The following AGBL1 variants were observed in gnomAD, a reference collection of about 807,000 sequenced individuals.
AGBL1 encodes the protein AGBL carboxypeptidase 1, also known as cytosolic carboxypeptidase 4.
A neutral mutation model predicts 118.9 loss-of-function variants in AGBL1; 130 were observed. That is an observed-to-expected ratio of 1.09 (90% CI 0.95 to 1.26). The LOEUF is 1.26. Among genes scored for constraint, AGBL1 ranks in the 50% most tolerant of loss-of-function variants. The pLI is 0.00. For missense variants in AGBL1, 1,584 were observed against 1,298.1 expected (o/e 1.22, Z -3.38); for synonymous variants, 555 against 478.9 (o/e 1.16, Z -2.08).
At position 86,544,970 on chromosome 15, in the gene AGBL1, C is replaced by G. The variant is rs1263583759; in HGVS notation, c.2686-1032C>G. Among the ~76,000 whole-genome samples the G allele has an allele frequency of 2.0e-5, 3 of 152,198 alleles. No individual in the cohort carries two copies. The East Asian group carries it at 5.8e-4, about 29-fold the overall frequency. Reference sequence around the variant, plus strand: ...TAAGATTTTGCATCACTGCCCTTGTCATATGATTTGCAGAACCTCCCTTTA... The same window carrying G: ...TAAGATTTTGCATCACTGCCCTTGTGATATGATTTGCAGAACCTCCCTTTA... On this transcript the variant is annotated intron_variant, in intron 19 of 22. Coordinates refer to ENST00000614907, the MANE Select transcript of AGBL1 (RefSeq NM_001386094.1).
intron 22 of AGBL1, among the ~76,000 whole-genome samples, chr15:86,875,073 C>A (rs1363078838): frequency 1.3e-5 from 2 of 152,094 alleles, no homozygotes; most frequent in African/African-American, 2.4e-5. Context: ...CTAAAAAATA[C>A]AGAACAGAAA....
chr15:86,406,806 A>G (rs555721351), intron 18 of AGBL1, among the ~76,000 whole-genome samples: 3 of 152,216 alleles, frequency 2.0e-5, no homozygotes, highest in Non-Finnish European at 4.4e-5. Flanking sequence ...GCAAAAATAC[A>G]AATTAAATGA....
chr15:86,986,290 T>C (rs75969454), intron 23 of AGBL1, among the ~76,000 whole-genome samples: 1 of 152,230 alleles, frequency 6.6e-6, no homozygotes, highest in African/African-American at 2.4e-5. Context: ...TCTTCTATTG[T>C]CTAGGTAAAT....
At chr15:86,491,298 C>G (rs1051625734) in intron 18 of AGBL1, among the ~76,000 whole-genome samples, 1 of 151,964 alleles carries the variant, frequency 6.6e-6, no homozygotes, top group Non-Finnish European at 1.5e-5. Context: ...GTGGAAAGTC[C>G]CAAAATGTTT....
intron 22 of AGBL1, among the ~76,000 whole-genome samples, chr15:86,676,996 A>G (rs2085860496): frequency 6.6e-6 from 1 of 152,104 alleles, no homozygotes; most frequent in Non-Finnish European, 1.5e-5. Context: ...AGCCTGGGCG[A>G]CAGAGGGAGA....
chr15:86,973,490 T>A (rs2081132343), intron 23 of AGBL1, among the ~76,000 whole-genome samples: 1 of 151,892 alleles, frequency 6.6e-6, no homozygotes, highest in African/African-American at 2.4e-5. Context: ...GGGAACTAGT[T>A]CCTCCCAAGA....
At chr15:86,521,817 G>A (rs2083192901) in intron 18 of AGBL1, among the ~76,000 whole-genome samples, 1 of 152,176 alleles carries the variant, frequency 6.6e-6, no homozygotes, top group African/African-American at 2.4e-5. Context: ...CAATTCCACT[G>A]AGCTTGGGTG....
chr15:86,297,626 A>C (rs2079666569), intron 17 of AGBL1, among the ~76,000 whole-genome samples: 2 of 152,186 alleles, frequency 1.3e-5, no homozygotes, highest in South Asian at 4.1e-4. Context: ...TTATGCATGA[A>C]GAGCTTTAAG....
At chr15:86,271,043 A>AT (rs58166692) in intron 14 of AGBL1, among the ~76,000 whole-genome samples, 1,087 of 89,040 alleles carry the variant, frequency 0.012, 73 homozygotes, top group Admixed American at 0.065. Flanking sequence ...GTCACGTTGC[A>AT]TTTTTTTTTT....
At chr15:86,930,348 A>G (rs2080590573) in intron 23 of AGBL1, among the ~76,000 whole-genome samples, 1 of 152,180 alleles carries the variant, frequency 6.6e-6, no homozygotes, top group African/African-American at 2.4e-5. Context: ...TTTATTTATC[A>G]CTACTATATA....
At chr15:86,467,932 C>G (rs772504674) in intron 18 of AGBL1, among the ~76,000 whole-genome samples, 4 of 152,142 alleles carry the variant, frequency 2.6e-5, no homozygotes, top group Non-Finnish European at 5.9e-5. Flanking sequence ...ATTTGGTCAT[C>G]TTGCCCAGAA....
intron 20 of AGBL1, among the ~76,000 whole-genome samples, chr15:86,548,343 A>G (rs2083614409): frequency 6.6e-6 from 1 of 152,142 alleles, no homozygotes; most frequent in Non-Finnish European, 1.5e-5. Context: ...ACTCTGCAAC[A>G]TTTATTCAGT....
intron 21 of AGBL1, among the ~76,000 whole-genome samples, chr15:86,646,776 G>A (rs894599368): frequency 4.6e-5 from 7 of 152,124 alleles, no homozygotes; most frequent in Non-Finnish European, 7.3e-5. Context: ...ACTAAATAAC[G>A]TTGAGAAAAT....
At chr15:86,947,446 A>G (rs1056242013) in intron 23 of AGBL1, among the ~76,000 whole-genome samples, 1 of 152,196 alleles carries the variant, frequency 6.6e-6, no homozygotes, top group African/African-American at 2.4e-5. Context: ...ATGTTGTTCT[A>G]TGACTCAATC....
chr15:86,467,775 G>A (rs1008516382), intron 18 of AGBL1, among the ~76,000 whole-genome samples: 1 of 152,150 alleles, frequency 6.6e-6, no homozygotes, highest in Non-Finnish European at 1.5e-5. Context: ...CCCCAACCCT[G>A]CTTCTGCTCA....
intron 19 of AGBL1, among the ~76,000 whole-genome samples, chr15:86,532,662 A>G (rs1021134688): frequency 5.9e-5 from 9 of 151,630 alleles, no homozygotes; most frequent in African/African-American, 1.9e-4. Flanking sequence ...AGTCAATCCT[A>G]AGCCAAAAGA....
At chr15:86,170,101 G>C (rs1760337870) in intron 5 of AGBL1, among the ~76,000 whole-genome samples, 1 of 152,088 alleles carries the variant, frequency 6.6e-6, no homozygotes, top group South Asian at 2.1e-4. Flanking sequence ...TAATTATTAG[G>C]CAAGAACATT....
chr15:86,244,887 C>A (rs1168777132), intron 6 of AGBL1, among the ~76,000 whole-genome samples: 1 of 152,268 alleles, frequency 6.6e-6, no homozygotes, highest in East Asian at 1.9e-4. Flanking sequence ...GAATAGGCTG[C>A]AAACTCCTTC....
chr15:86,819,347 G>T (rs2078907858), intron 22 of AGBL1, among the ~76,000 whole-genome samples: 1 of 152,014 alleles, frequency 6.6e-6, no homozygotes, highest in South Asian at 2.1e-4. Context: ...CTATGTTCCA[G>T]ATACTTCTCA....
Sources: gnomAD v4.1 joint callset for allele counts (sites outside exome capture counted in the v4.1 genomes callset) on GRCh38, gnomAD v4.1.1 for gene constraint, MANE v1.5 for transcripts, NCBI Gene and HGNC (gene_info 2026-07-23, HGNC 2026-07-21) for gene names.